Variants in ZNF423 observed in about 807,000 individuals in gnomAD.
The protein encoded by ZNF423 is Ebf-associated zinc finger protein.
Under a neutral mutation model 95.8 loss-of-function variants are expected in ZNF423, and 12 were observed. The observed-to-expected ratio is 0.13, with a 90% CI of 0.08 to 0.20. The LOEUF is 0.20. Ranked by LOEUF, ZNF423 falls within the 10% of genes least tolerant of loss-of-function variation. ZNF423 has a pLI of 1.00. For synonymous variants in ZNF423, 749 were observed against 711.9 expected (o/e 1.05, Z -0.83); for missense variants, 1,316 against 1,737.1 (o/e 0.76, Z 4.31).
chr16:49,543,952 G>A (rs114719177), intron 5 of ZNF423, among the ~76,000 whole-genome samples: 1,864 of 152,344 alleles, frequency 0.012, 42 homozygotes, highest in African/African-American at 0.041. Context: ...CAGCAGAGGT[G>A]CCTATAAAGC....
intron 3 of ZNF423, among the ~76,000 whole-genome samples, chr16:49,664,455 AG>A (rs1189712069): frequency 2.0e-5 from 3 of 152,220 alleles, no homozygotes; most frequent in African/African-American, 7.2e-5. Context: ...TGAGGGATCC[AG>A]GCCCCGGGGG....
At chr16:49,491,563 T>TA (rs1966968497) in intron 7 of ZNF423, among the ~76,000 whole-genome samples, 6 of 148,238 alleles carry the variant, frequency 4.0e-5, no homozygotes. Flanking sequence ...TTTTTTTTTT[T>TA]AAAGACCATT....
intron 1 of ZNF423, among the ~76,000 whole-genome samples, chr16:49,838,713 G>A (rs2035148187): frequency 6.6e-6 from 1 of 151,946 alleles, no homozygotes; most frequent in Non-Finnish European, 1.5e-5. Context: ...GGGCGGCCGG[G>A]GGGCGGCCCG....
intron 3 of ZNF423, among the ~76,000 whole-genome samples, chr16:49,701,816 A>G (rs2032192749): frequency 6.6e-6 from 1 of 152,200 alleles, no homozygotes; most frequent in African/African-American, 2.4e-5. Context: ...AACACACTCA[A>G]TTTTGTCCTT....
rs1971442706 is a variant in ZNF423, at chr16:49,603,545, G to A, written c.3601+22625C>T. 6.6e-6 allele frequency among the ~76,000 whole-genome samples: 1 copy of A among 152,144 alleles called. No homozygotes were observed. The highest frequency in any genetic ancestry group is 6.5e-5 in the Admixed American group (1 of 15,278). ...CTGCCTCAGCCTCCAGAGTAGCTGG[G>A]ATTACAGGCGCCCGCCACCACGCCC... On this transcript the variant is annotated intron_variant, in intron 5 of 7. Coordinates refer to ENST00000563137, the MANE Select transcript of ZNF423 (RefSeq NM_001379286.1). This position sits in a 1 kb window ranked among gnomAD's most constrained non-coding sequence, Gnocchi z 4.1.
At chr16:49,592,218 A>G (rs1242077536) in intron 5 of ZNF423, among the ~76,000 whole-genome samples, 1 of 152,270 alleles carries the variant, frequency 6.6e-6, no homozygotes. Context: ...AAAGGTAAAC[A>G]TCAAATTGTT....
chr16:49,783,312 TG>T (rs1375235782), intron 2 of ZNF423, among the ~76,000 whole-genome samples: 1 of 146,018 alleles, frequency 6.8e-6, no homozygotes, highest in Non-Finnish European at 1.5e-5. Flanking sequence ...CAGGCTGGGA[TG>T]GGCAGGAAAG....
rs1278666359 is a variant in ZNF423 at position 49,838,793 on chromosome 16, GC to G, written c.40+16941del. Among the ~76,000 whole-genome samples, 5 of 151,588 alleles carry G rather than the reference GC, an allele frequency of 3.3e-5. No homozygotes were observed. The East Asian group carries it at 7.8e-4, about 24-fold the overall frequency. ...TGCGCAGCCTGCGCCTTCCCAGCCGGCCCCCCGCCGCGGCCGCTTTGTGCCC... is the reference window on the plus strand; with the variant it reads ...TGCGCAGCCTGCGCCTTCCCAGCCGGCCCCCGCCGCGGCCGCTTTGTGCCC... On this transcript the variant is annotated intron_variant, in intron 1 of 7. Coordinates refer to ENST00000563137, the MANE Select transcript of ZNF423 (RefSeq NM_001379286.1).
intron 3 of ZNF423, among the ~76,000 whole-genome samples, chr16:49,660,387 CGAATGAATGAAT>C (rs34713592): frequency 1.2e-4 from 18 of 151,438 alleles, no homozygotes; most frequent in African/African-American, 2.9e-4. Flanking sequence ...AATGAGAAAA[CGAATGAATGAAT>C]GAATGAATGA....
chr16:49,585,562 A>G (rs1970805792), intron 5 of ZNF423, among the ~76,000 whole-genome samples: 1 of 152,252 alleles, frequency 6.6e-6, no homozygotes, highest in Non-Finnish European at 1.5e-5. Flanking sequence ...CAGGCTTTGC[A>G]ATCTGAATCG....
intron 5 of ZNF423, among the ~76,000 whole-genome samples, chr16:49,539,451 C>T (rs1372025566): frequency 1.3e-5 from 2 of 152,136 alleles, no homozygotes; most frequent in African/African-American, 2.4e-5. Context: ...AGTGCAGCCT[C>T]GGAGTCAGAT....
intron 2 of ZNF423, among the ~76,000 whole-genome samples, chr16:49,782,104 T>G (rs2034221891): frequency 6.6e-6 from 1 of 152,246 alleles, no homozygotes; most frequent in Non-Finnish European, 1.5e-5. Context: ...CCTCCTCTCC[T>G]TCCAGGCAGC....
At chr16:49,754,672 G>A (rs2033692274) in intron 2 of ZNF423, among the ~76,000 whole-genome samples, 1 of 152,220 alleles carries the variant, frequency 6.6e-6, no homozygotes, top group Non-Finnish European at 1.5e-5. Flanking sequence ...TGTGCACCAA[G>A]CCGGAGAAGC....
In ZNF423 at chr16:49,637,643, G is replaced by A; in HGVS notation, c.1533C>T (p.His511=). 6.8e-6 allele frequency: 11 copies of A among 1,614,124 alleles called. No individual in the cohort carries two copies. Among genetic ancestry groups the A allele is most frequent in the Non-Finnish European group, 9.3e-6 (11 of 1,180,042 alleles). The change falls in exon 4 of 8, where the codon CAC becomes CAT. Residue 511 remains histidine (H), a synonymous_variant. Transcript: ENST00000563137. The surrounding 1 kb of genome is among the most constrained non-coding windows in gnomAD (Gnocchi z 5.6). ...CAGAGGGGTTGGCGTTGGGGCCGCA[G>A]TGGGAGACGCGGATGTGCTCCTGCA... ...NSLQEHIRVS[H]CGPNANPSDG...
intron 5 of ZNF423, among the ~76,000 whole-genome samples, chr16:49,564,694 G>T (rs1970132600): frequency 6.6e-6 from 1 of 152,208 alleles, no homozygotes; most frequent in South Asian, 2.1e-4. Flanking sequence ...TGAGCTCCTG[G>T]AGCCTTTGGA....
At chr16:49,601,608 G>A (rs745813120) in intron 5 of ZNF423, among the ~76,000 whole-genome samples, 1 of 152,194 alleles carries the variant, frequency 6.6e-6, no homozygotes, top group Non-Finnish European at 1.5e-5. Flanking sequence ...CTGGAGTCCA[G>A]GCTGTGGCTC....
chr16:49,728,009 A>G (rs1191329145), intron 3 of ZNF423, among the ~76,000 whole-genome samples: 1 of 152,178 alleles, frequency 6.6e-6, no homozygotes, highest in Non-Finnish European at 1.5e-5. Context: ...CCCCAGGTAT[A>G]AAACAGACTT....
At chr16:49,728,857 C>A (rs989772910) in intron 3 of ZNF423, among the ~76,000 whole-genome samples, 1 of 152,178 alleles carries the variant, frequency 6.6e-6, no homozygotes, top group Non-Finnish European at 1.5e-5. Flanking sequence ...CTCAGCCTCC[C>A]AAGTAGCTGG....
intron 3 of ZNF423, among the ~76,000 whole-genome samples, chr16:49,712,918 C>T (rs1487714851): frequency 6.6e-6 from 1 of 152,238 alleles, no homozygotes; most frequent in African/African-American, 2.4e-5. Flanking sequence ...GTGACAGCCA[C>T]AGAATGCCTT....
Sources: allele counts gnomAD v4.1 joint callset (sites outside exome capture counted in the v4.1 genomes callset), GRCh38; gene constraint gnomAD v4.1.1; non-coding constraint Gnocchi (gnomAD v3.1); transcripts MANE v1.5; gene names NCBI Gene and HGNC (gene_info 2026-07-23, HGNC 2026-07-21).